The following DYSF variants were observed in gnomAD, a reference collection of about 807,000 sequenced individuals.
DYSF encodes the protein dystrophy-associated fer-1-like 1.
In DYSF, 212 loss-of-function variants were observed where a neutral mutation model predicts 274.9. That is an observed-to-expected ratio of 0.77 (90% confidence interval 0.69 to 0.86). The LOEUF (loss-of-function observed/expected upper bound fraction) is 0.86, where lower values mean the gene tolerates loss of function less well. Among genes scored for constraint, DYSF ranks in the 40% least tolerant of loss-of-function variants. The pLI is 0.00. For synonymous variants in DYSF, 1,091 were observed against 1,078.7 expected (o/e 1.01, Z -0.22); for missense variants, 2,666 against 2,783.2 (o/e 0.96, Z 0.95).
At chr2:71,680,885 C>G (rs2095287608) in intron 53 of DYSF, 116 bp from the exon 54 acceptor site, 2 of 840,374 alleles carry the variant, frequency 2.4e-6, no homozygotes, top group Admixed American at 2.1e-5. Flanking sequence ...TTCAGAAACC[C>G]TACATCTTTT....
rs2093532871 is a variant in DYSF at position 71,600,841 on chromosome 2, A to C, written c.3896A>C (p.Lys1299Thr). The change falls in exon 34 of 56, where the codon AAG becomes ACG. Residue 1299 changes from lysine (K) to threonine (T), a missense_variant and splice_region_variant. Lys to Thr is a moderately conservative substitution (Grantham distance 78, BLOSUM62 -1). This residue lies in a region of DYSF where 1,460 missense variants were observed against 1,502.1 expected (regional missense o/e 0.97). Transcript: ENST00000410020. ...LASFELIQRE[K>T]PAIHHIPGFE... is the part of the protein sequence containing the mutation. ...TCTTTTGAGCTCATCCAGAGAGAGA[A>C]GGTGAGGCTGGTCTATATCCAGATC... 1 of 1,610,490 alleles carries C rather than the reference A, an allele frequency of 6.2e-7. No homozygotes were observed.
At chr2:71,549,382 G>A in intron 17 of DYSF, 2 of 1,612,370 alleles carry the variant, frequency 1.2e-6, no homozygotes, top group Non-Finnish European at 8.5e-7. Context: ...GCCTTCGAAA[G>A]CCTCAGACTG....
intron 30 of DYSF, among the ~76,000 whole-genome samples, chr2:71,580,842 CCCCAAGGTCTGGAG>C (rs1488571721): frequency 6.6e-6 from 1 of 152,222 alleles, no homozygotes; most frequent in Non-Finnish European, 1.5e-5. Context: ...AAGATTTGAA[CCCCAAGGTCTGGAG>C]GATTCGATTG....
intron 4 of DYSF, among the ~76,000 whole-genome samples, 173 bp from the exon 5 acceptor site, chr2:71,511,634 A>G (rs2086103753): frequency 6.6e-6 from 1 of 152,138 alleles, no homozygotes; most frequent in Non-Finnish European, 1.5e-5. Flanking sequence ...GCTTCGAACC[A>G]CCTGACTATG....
intron 30 of DYSF, among the ~76,000 whole-genome samples, chr2:71,575,438 G>C (rs2152824745): frequency 6.6e-6 from 1 of 152,282 alleles, no homozygotes; most frequent in East Asian, 1.9e-4. Context: ...GGGAGGCTGA[G>C]GGGAGATAGC....
chr2:71,529,541 G>C (rs1371705077), intron 14 of DYSF, among the ~76,000 whole-genome samples: 1 of 152,224 alleles, frequency 6.6e-6, no homozygotes, highest in African/African-American at 2.4e-5. Flanking sequence ...CATGTCATAT[G>C]GCATCACAAC....
rs146261069 is a variant in DYSF, at chr2:71,553,045, C to T, written c.1841C>T (p.Ala614Val). The T allele has an allele frequency of 1.1e-4, 172 of 1,614,144 alleles. No homozygotes were observed. Among genetic ancestry groups the T allele is most frequent in the Non-Finnish European group, 1.4e-4 (162 of 1,180,032 alleles). ...YLRRRKYSLF[A>V]AFYSATMLQD... ...AGGAGGCGCAAGTACTCCCTGTTTG[C>T]GGCCTTCTACTCAGCCACCATGCTG... The change falls in exon 20 of 56, where the codon GCG becomes GTG. Residue 614 changes from alanine (A) to valine (V), a missense_variant. Ala to Val is a moderately conservative substitution (Grantham distance 64, BLOSUM62 0). Transcript: ENST00000410020.
chr2:71,602,417 C>T (rs754228549), intron 35 of DYSF, among the ~76,000 whole-genome samples: 27 of 152,150 alleles, frequency 1.8e-4, no homozygotes, highest in Admixed American at 2.6e-4. Context: ...TGGTTCTCCT[C>T]AGCTTGCCAA....
chr2:71,561,911 C>T lies in DYSF; in HGVS notation c.2376C>T (p.Asp792=). The T allele has an allele frequency of 1.2e-6, 2 of 1,614,158 alleles. No homozygotes were observed. The highest frequency in any genetic ancestry group is 1.1e-5 in the South Asian group (1 of 91,076). Residue 792 remains aspartate, a synonymous_variant, in exon 23 of 56, where the codon GAC becomes GAT. Transcript: ENST00000410020. The part of the protein sequence containing the change: ...ELPAALEQAE[D]WLLRLRALAE... ...CTGCAGCTCTGGAGCAGGCGGAGGA[C>T]TGGCTCCTGCGTCTGCGTGCCCTGG...
At chr2:71,552,293 C>G (rs1470962933) in intron 19 of DYSF, among the ~76,000 whole-genome samples, 1 of 152,208 alleles carries the variant, frequency 6.6e-6, no homozygotes, top group Non-Finnish European at 1.5e-5. Context: ...CACTTACCGG[C>G]TGCATCAGTT....
At chr2:71,667,545 C>G (rs1396620487) in intron 48 of DYSF, 30 bp downstream of exon 48, 1 of 1,613,512 alleles carries the variant, frequency 6.2e-7, no homozygotes, top group Non-Finnish European at 8.5e-7. Context: ...GTCCCAGAGT[C>G]CTCGAACTCC....
At chr2:71,662,404 G>A (rs1354840190) in intron 45 of DYSF, among the ~76,000 whole-genome samples, 1 of 152,004 alleles carries the variant, frequency 6.6e-6, no homozygotes, top group Non-Finnish European at 1.5e-5. Flanking sequence ...TCCCCTCTTT[G>A]GATGCAGTTG....
chr2:71,530,289 T>C (rs535422970), intron 14 of DYSF, among the ~76,000 whole-genome samples: 3 of 152,318 alleles, frequency 2.0e-5, no homozygotes, highest in South Asian at 2.1e-4. Flanking sequence ...CGTCCTGAGA[T>C]TGTTCTTATT....
intron 1 of DYSF, among the ~76,000 whole-genome samples, chr2:71,472,351 T>C (rs2082091851): frequency 6.6e-6 from 1 of 152,228 alleles, no homozygotes; most frequent in African/African-American, 2.4e-5. Flanking sequence ...TATGAGGGCT[T>C]ATTTTTCTAA....
chr2:71,644,074 T>A lies in DYSF; in HGVS notation c.4626+11T>A, dbSNP rs760395487. ...TTTGACACCCTGAAGGTAAGGCCTC[T>A]CTTCAGTCTGACAGTCGGTGTGTGT... On this transcript the variant is annotated intron_variant, in intron 42 of 55. Transcript: ENST00000410020. The A allele has an allele frequency of 1.2e-5, 19 of 1,603,548 alleles. No homozygotes were observed. The Admixed American group carries it at 3.2e-4, about 27-fold the overall frequency.
At chr2:71,465,057 G>T (rs1238244306), upstream of DYSF, among the ~76,000 whole-genome samples, 3 of 152,150 alleles carry the variant, frequency 2.0e-5, no homozygotes, top group African/African-American at 7.2e-5. Context: ...GGGCATTGTT[G>T]TGAAAAGGGA....
chr2:71,558,224 C>T (rs1412357081), intron 22 of DYSF, among the ~76,000 whole-genome samples: 2 of 151,950 alleles, frequency 1.3e-5, no homozygotes, highest in East Asian at 3.9e-4. Flanking sequence ...TGATCCTGGC[C>T]AGGGGGGCTA....
At chr2:71,640,298 C>T (rs2094467040) in intron 41 of DYSF, among the ~76,000 whole-genome samples, 1 of 152,146 alleles carries the variant, frequency 6.6e-6, no homozygotes, top group African/African-American at 2.4e-5. Flanking sequence ...AAGAAAGCTT[C>T]CTTTTATTTT....
At chr2:71,518,255 A>ATTT (rs71402988) in intron 10 of DYSF, among the ~76,000 whole-genome samples, 1 of 138,846 alleles carries the variant, frequency 7.2e-6, no homozygotes, top group Non-Finnish European at 1.6e-5. Context: ...GACCTGTATG[A>ATTT]TTTTTTTTTT....
Sources: gnomAD v4.1 joint callset for allele counts (sites outside exome capture counted in the v4.1 genomes callset) on GRCh38, gnomAD v4.1.1 for gene constraint, gnomAD v4.1.1 regional missense constraint, MANE v1.5 for transcripts, NCBI Gene and HGNC (gene_info 2026-07-23, HGNC 2026-07-21) for gene names.